The following ANO1 variants were observed in gnomAD, a reference collection of about 807,000 sequenced individuals.
ANO1 encodes the protein anoctamin-1.
In ANO1, 59 loss-of-function variants were observed where a neutral mutation model predicts 124.0. That is an observed-to-expected ratio of 0.48 (90% CI 0.39 to 0.59). The LOEUF is 0.59. Among genes scored for constraint, ANO1 ranks in the 20% least tolerant of loss-of-function variants. The pLI, the probability that ANO1 is intolerant of heterozygous loss-of-function variation, is 0.00. For synonymous variants in ANO1, 529 were observed against 532.0 expected (o/e 0.99, Z 0.08); for missense variants, 1,059 against 1,328.0 (o/e 0.80, Z 3.15).
chr11:69,970,902 C>G, the ANO1 span, among the ~76,000 whole-genome samples: 1 of 152,278 alleles, frequency 6.6e-6, no homozygotes, highest in Non-Finnish European at 1.5e-5. Context: ...ATCACATATG[C>G]GTTCCAGCCA....
At chr11:70,130,936 C>T (rs544449376) in intron 10 of ANO1, among the ~76,000 whole-genome samples, 1 of 152,244 alleles carries the variant, frequency 6.6e-6, no homozygotes, top group Non-Finnish European at 1.5e-5. Context: ...CCAAGGCAGC[C>T]GCCCCACCAG....
chr11:70,019,235 G>T (rs76135392), intron 1 of ANO1, among the ~76,000 whole-genome samples: 1 of 121,162 alleles, frequency 8.3e-6, no homozygotes, highest in African/African-American at 3.2e-5. Flanking sequence ...AGGGAAAGAA[G>T]AACCCCCCCA....
At chr11:69,973,569 C>A in the ANO1 span, among the ~76,000 whole-genome samples, 1 of 152,082 alleles carries the variant, frequency 6.6e-6, no homozygotes, top group South Asian at 2.1e-4. Context: ...TATTGCAGGC[C>A]TTTAGATTCC....
At position 70,130,209 on chromosome 11, in the gene ANO1, G is replaced by A. The variant is rs371361174; in HGVS notation, c.1098-1710G>A. Among the ~76,000 whole-genome samples the A allele has an allele frequency of 3.9e-5, 6 of 152,312 alleles. No homozygotes were observed. In the South Asian group the frequency reaches 1.2e-3, roughly 32 times the overall value. ...TGTCCAAGGCAGCAGAAAGGAGAAA[G>A]TTCAAAGCAGGCCAGAGCAGGAAGG... On this transcript the variant is annotated intron_variant, in intron 10 of 25. Coordinates refer to ENST00000355303, the MANE Select transcript of ANO1 (RefSeq NM_018043.7).
At chr11:70,128,467 G>T (rs2046612977) in intron 10 of ANO1, among the ~76,000 whole-genome samples, 3 of 152,222 alleles carry the variant, frequency 2.0e-5, no homozygotes, top group African/African-American at 7.2e-5. Flanking sequence ...TTGGAGGGTG[G>T]CCCCAGCAGG....
chr11:69,986,532 C>A (rs1554996898), intron 1 of ANO1, among the ~76,000 whole-genome samples: 1 of 152,124 alleles, frequency 6.6e-6, no homozygotes, highest in African/African-American at 2.4e-5. Context: ...CGTCTTGCAG[C>A]GGATACGAGG....
At position 70,124,331 on chromosome 11, in the gene ANO1, A is replaced by G. The variant is rs2046403219; in HGVS notation, c.898-19A>G. ...GGAGTGCCACATTGTCACCAACCCC[A>G]CTGCTTCCTCCCCCTCAGCTCCTGT... On this transcript the variant is annotated intron_variant, in intron 8 of 25. Coordinates refer to ENST00000355303, the MANE Select transcript of ANO1 (RefSeq NM_018043.7). 5 of 1,613,406 alleles carry G rather than the reference A, an allele frequency of 3.1e-6. No individual in the cohort carries two copies. Among genetic ancestry groups the G allele is most frequent in the African/African-American group, 2.7e-5 (2 of 74,886 alleles).
At chr11:70,063,416 A>G (rs1308004102) in intron 1 of ANO1, among the ~76,000 whole-genome samples, 1 of 152,168 alleles carries the variant, frequency 6.6e-6, no homozygotes, top group African/African-American at 2.4e-5. Flanking sequence ...AGAGCATTTT[A>G]GCTGAGGAAT....
intron 1 of ANO1, among the ~76,000 whole-genome samples, chr11:70,007,273 C>CTTT (rs71046569): frequency 1.5e-4 from 20 of 134,674 alleles, no homozygotes; most frequent in Admixed American, 1.5e-4. Flanking sequence ...TCCTTTCTTT[C>CTTT]TTTTTTTTTT....
chr11:70,085,764 C>T (rs2044349449), intron 1 of ANO1: 1 of 1,356,470 alleles, frequency 7.4e-7, no homozygotes. Context: ...GGCCTTCCCT[C>T]CCCCTCTCCC....
At chr11:70,161,781 G>A (rs746534898) in intron 18 of ANO1, 48 bp downstream of exon 18, 18 of 1,579,978 alleles carry the variant, frequency 1.1e-5, no homozygotes, top group Non-Finnish European at 1.4e-5. Flanking sequence ...CCCAGGTCCA[G>A]GAGAGGGCTC....
chr11:70,068,581 G>A (rs1591072140), intron 1 of ANO1, among the ~76,000 whole-genome samples: 2 of 152,278 alleles, frequency 1.3e-5, no homozygotes, highest in Non-Finnish European at 1.5e-5. Flanking sequence ...TTAGCAGAAG[G>A]CTTGGAGACG....
intron 1 of ANO1, among the ~76,000 whole-genome samples, chr11:70,012,294 C>T (rs1203934848): frequency 3.3e-5 from 5 of 152,094 alleles, no homozygotes; most frequent in African/African-American, 9.6e-5. Context: ...ACCCATCCAT[C>T]CATCCATTGT....
intron 1 of ANO1, chr11:70,085,782 A>C: frequency 7.8e-7 from 1 of 1,290,156 alleles, no homozygotes; most frequent in Non-Finnish European, 1.0e-6. Context: ...CCCCCACTGC[A>C]GTGCTGACTG....
chr11:70,183,754 C>T (rs1166800225), intron 24 of ANO1, among the ~76,000 whole-genome samples: 1 of 152,230 alleles, frequency 6.6e-6, no homozygotes, highest in Non-Finnish European at 1.5e-5. Flanking sequence ...CAGCTCAGTG[C>T]TGAATAGGCC....
At chr11:70,146,347 A>G (rs922275105) in intron 11 of ANO1, among the ~76,000 whole-genome samples, 16 of 152,218 alleles carry the variant, frequency 1.1e-4, no homozygotes, top group African/African-American at 3.9e-4. Context: ...ATTGACTGAT[A>G]TGTGTAAAAT....
chr11:70,187,917 G>T lies in ANO1; in HGVS notation c.2874G>T (p.Pro958=), dbSNP rs540220594. 18 of 1,587,500 alleles carry T rather than the reference G, an allele frequency of 1.1e-5. No individual in the cohort carries two copies. The Admixed American group carries it at 2.7e-4, about 24-fold the overall frequency. The change falls in exon 26 of 26, where the codon CCG becomes CCT. Residue 958 remains proline, a synonymous_variant. Coordinates refer to ENST00000355303, the MANE Select transcript of ANO1 (RefSeq NM_018043.7). ...AGAAGGAGCGGCAGAAGGACGAGCC[G>T]CCGTGCAACCACCACAACACCAAAG... The part of the protein sequence containing the change: ...WMEKERQKDE[P]PCNHHNTKAC...
intron 1 of ANO1, among the ~76,000 whole-genome samples, chr11:70,080,764 G>A (rs1330542720): frequency 6.6e-6 from 1 of 152,228 alleles, no homozygotes; most frequent in Admixed American, 6.5e-5. Context: ...TTGTGAGCTT[G>A]GAAGGCTGAA....
intron 10 of ANO1, among the ~76,000 whole-genome samples, chr11:70,128,616 G>A (rs1341212059): frequency 1.3e-5 from 2 of 152,220 alleles, no homozygotes; most frequent in Non-Finnish European, 2.9e-5. Context: ...CCCAGCAGGC[G>A]ACCTGGAGCG....
Sources: allele counts gnomAD v4.1 joint callset (sites outside exome capture counted in the v4.1 genomes callset), GRCh38; gene constraint gnomAD v4.1.1; transcripts MANE v1.5; gene names NCBI Gene and HGNC (gene_info 2026-07-23, HGNC 2026-07-21).